Variants in L3HYPDH observed in about 807,000 individuals in gnomAD.
The protein encoded by L3HYPDH is trans-L-3-hydroxyproline dehydratase.
A neutral mutation model predicts 26.5 loss-of-function variants in L3HYPDH; 32 were observed. The observed-to-expected ratio is 1.21, with a 90% CI of 0.91 to 1.62. L3HYPDH has a LOEUF of 1.62. L3HYPDH is among the 40% of genes most tolerant of loss of function. L3HYPDH has a pLI of 0.00. For synonymous variants in L3HYPDH, 215 were observed against 196.6 expected (o/e 1.09, Z -0.78); for missense variants, 554 against 476.4 (o/e 1.16, Z -1.52).
At position 59,479,305 on chromosome 14, in the gene L3HYPDH, A is replaced by G. The variant is rs376470629; in HGVS notation, c.555T>C (p.Ile185=). The part of the protein sequence containing the change: ...VPGHGKVMVD[I]AYGGAFYAFV... ...ATGCATAAAATGCACCGCCATATGC[A>G]ATGTCCACCATCACCTTTCCATGTC... The change falls in exon 2 of 5, where the codon ATT becomes ATC. Residue 185 remains isoleucine (I), a synonymous_variant. Transcript: ENST00000247194. 1 of 1,613,540 alleles carries G rather than the reference A, an allele frequency of 6.2e-7. No individual in the cohort carries two copies. The highest frequency in any genetic ancestry group is 8.5e-7 in the Non-Finnish European group (1 of 1,179,898).
At chr14:59,486,579 C>T, upstream of L3HYPDH, 1 of 652,916 alleles carries the variant, frequency 1.5e-6, no homozygotes, top group South Asian at 1.8e-5. Context: ...TTTAAAAATG[C>T]TTCAAGACTT....
the L3HYPDH span, chr14:59,504,364 C>G: frequency 2.9e-6 from 1 of 344,560 alleles, no homozygotes; most frequent in Non-Finnish European, 5.3e-6. Context: ...AATCATGTTT[C>G]TGTGTACCTA....
At chr14:59,504,299 A>G in the L3HYPDH span, 3 of 497,584 alleles carry the variant, frequency 6.0e-6, no homozygotes, top group Non-Finnish European at 7.1e-6. Context: ...GCTACACTGG[A>G]AGGCCGCTAG....
At position 59,484,243 on chromosome 14, in the gene L3HYPDH, A is replaced by T. The variant is rs1380397046; in HGVS notation, c.74T>A (p.Met25Lys). ...ACGCAAGGGCTCGCCGCCCGTGTGC[A>T]TGTCCACCACCGACAGCACCGGCGT... ...PGTPVLSVVD[M>K]HTGGEPLRIV... The change falls in exon 1 of 5, where the codon ATG becomes AAG. Residue 25 changes from methionine to lysine, a missense_variant. Physicochemically the swap from Met to Lys is moderately conservative, Grantham distance 95. Transcript: ENST00000247194. 1.9e-6 allele frequency: 3 copies of T among 1,598,190 alleles called. No individual in the cohort carries two copies. Among genetic ancestry groups the T allele is most frequent in the Admixed American group, 3.3e-5 (2 of 59,988 alleles).
upstream of L3HYPDH, chr14:59,486,737 T>C: frequency 1.3e-6 from 2 of 1,593,218 alleles, no homozygotes; most frequent in South Asian, 2.3e-5. Context: ...CCAGCATGCC[T>C]TGGACTTTAT....
chr14:59,499,546 G>A, the L3HYPDH span, among the ~76,000 whole-genome samples: 5 of 152,228 alleles, frequency 3.3e-5, no homozygotes, highest in African/African-American at 9.6e-5. Context: ...AAAAGAATAA[G>A]ACAAATTCAC....
At chr14:59,494,331 C>A in the L3HYPDH span, among the ~76,000 whole-genome samples, 1 of 152,094 alleles carries the variant, frequency 6.6e-6, no homozygotes, top group Non-Finnish European at 1.5e-5. Context: ...AATGGATAAA[C>A]AAATCACAGT....
the L3HYPDH span, chr14:59,495,364 T>G: frequency 3.3e-6 from 2 of 612,316 alleles, no homozygotes; most frequent in East Asian, 2.8e-5. Flanking sequence ...CTTGAACATG[T>G]AAACAGCCTC....
rs1453892471 is a variant in L3HYPDH at position 59,466,751 on chromosome 14, GGTTTGTCAGCCTAAGC to G, written n.31-5594_31-5579del. Among the ~76,000 whole-genome samples the G allele has an allele frequency of 2.0e-5, 3 of 152,268 alleles. No individual in the cohort carries two copies. In the East Asian group the frequency reaches 5.8e-4, roughly 29 times the overall value. On this transcript the variant is annotated intron_variant and non_coding_transcript_variant, in intron 1 of 2. Transcript: ENST00000466522. ...CGTTTAAGGTGGCAAACCAAAACTGGGTTTGTCAGCCTAAGCGTCATGGACTTTTGGGCCAGATAAT... is the reference window on the plus strand; with the variant it reads ...CGTTTAAGGTGGCAAACCAAAACTGGGTCATGGACTTTTGGGCCAGATAAT...
chr14:59,504,083 G>A, the L3HYPDH span: 1 of 1,558,754 alleles, frequency 6.4e-7, no homozygotes, highest in Non-Finnish European at 8.8e-7. Flanking sequence ...GTGTAGACAT[G>A]TGAAATGCCA....
At chr14:59,488,612 A>G (rs1594932906), upstream of L3HYPDH, among the ~76,000 whole-genome samples, 1 of 152,160 alleles carries the variant, frequency 6.6e-6, no homozygotes, top group East Asian at 1.9e-4. Context: ...GGGAGTAGGA[A>G]AGATAGGTTG....
In L3HYPDH at chr14:59,483,981, G is replaced by A; in HGVS notation, c.336C>T (p.Gly112=). The change falls in exon 1 of 5, where the codon GGC becomes GGT. Residue 112 remains glycine, a synonymous_variant. Transcript: ENST00000247194. ...CAAGCCCGAAGTCCAAAGCGAAGCG[G>A]CCCAGCGCCAGCACTGCGTGGCCGC... The part of the protein sequence containing the change: ...SMCGHAVLAL[G]RFALDFGLVP... 6.3e-7 allele frequency: 1 copy of A among 1,581,886 alleles called. No homozygotes were observed.
chr14:59,486,875 C>T (rs1890621696), upstream of L3HYPDH: 1 of 1,079,388 alleles, frequency 9.3e-7, no homozygotes. Context: ...TCACATACAA[C>T]ATTTTTTGTT....
chr14:59,496,269 A>G, the L3HYPDH span, among the ~76,000 whole-genome samples: 1 of 150,654 alleles, frequency 6.6e-6, no homozygotes, highest in Non-Finnish European at 1.5e-5. Context: ...GCTATAATTT[A>G]TATATAAAAT....
chr14:59,489,891 AT>A, the L3HYPDH span, among the ~76,000 whole-genome samples: 3 of 137,780 alleles, frequency 2.2e-5, no homozygotes, highest in South Asian at 6.9e-4. Context: ...TCTTTCTTTC[AT>A]TTTTTTTAAT....
Position 59,484,262 on chromosome 14 carries a change from C to T in L3HYPDH, c.55G>A (p.Val19Met), listed in dbSNP as rs1196202071. 1 of 1,597,542 alleles carries T rather than the reference C, an allele frequency of 6.3e-7. No individual in the cohort carries two copies. The highest frequency in any genetic ancestry group is 2.2e-5 in the East Asian group (1 of 44,858). ...GTGTGCATGTCCACCACCGACAGCA[C>T]CGGCGTCCCTGGATCATGCGGGGGC... ...RLPPHDPGTPVLSVVDMHTGG... is the reference protein window; with the variant it reads ...RLPPHDPGTPMLSVVDMHTGG... The change falls in exon 1 of 5, where the codon GTG (valine) becomes ATG (methionine). Residue 19 changes from valine (V) to methionine (M), a missense_variant. Transcript: ENST00000247194.
At position 59,476,211 on chromosome 14, in the gene L3HYPDH, T is replaced by G. The variant is rs1336209704; in HGVS notation, c.682A>C (p.Lys228Gln). Residue 228 changes from lysine to glutamine, a missense_variant, in exon 3 of 5, where the codon AAA becomes CAA. By Grantham distance (53) the Lys-to-Gln change is moderately conservative (BLOSUM62 1). Coordinates refer to ENST00000247194, the MANE Select transcript of L3HYPDH (RefSeq NM_144581.2). ...AVTEAVKAQF[K>Q]INHPDSEDLA... ...TCTTCACTATCAGGATGATTAATTTTAAACTGCAAGTAACAAAAAAAGATC... is the reference window on the plus strand; with the variant it reads ...TCTTCACTATCAGGATGATTAATTTGAAACTGCAAGTAACAAAAAAAGATC... 6.4e-7 allele frequency: 1 copy of G among 1,570,652 alleles called. No individual in the cohort carries two copies. Among genetic ancestry groups the G allele is most frequent in the South Asian group, 1.2e-5 (1 of 86,838 alleles).
chr14:59,490,982 C>T, the L3HYPDH span, among the ~76,000 whole-genome samples: 203 of 152,300 alleles, frequency 1.3e-3, 1 homozygote, highest in Middle Eastern at 0.014. Flanking sequence ...AATGCTCAGA[C>T]AGGAAAGGAG....
At chr14:59,504,087 A>T in the L3HYPDH span, 5 of 1,533,514 alleles carry the variant, frequency 3.3e-6, no homozygotes, top group African/African-American at 6.8e-5. Context: ...AGACATGTGA[A>T]ATGCCAAAAA....
Sources: allele counts gnomAD v4.1 joint callset (sites outside exome capture counted in the v4.1 genomes callset), GRCh38; gene constraint gnomAD v4.1.1; transcripts MANE v1.5; gene names NCBI Gene and HGNC (gene_info 2026-07-23, HGNC 2026-07-21).